Variants in HIVEP1 observed in about 807,000 individuals in gnomAD.
HIVEP1 encodes the protein HIVEP zinc finger 1.
In HIVEP1, 36 loss-of-function variants were observed where a neutral mutation model predicts 180.0. The observed-to-expected ratio is 0.20, with a 90% CI of 0.15 to 0.26. HIVEP1 has a LOEUF of 0.26. Ranked by LOEUF, HIVEP1 falls within the 10% of genes least tolerant of loss-of-function variation. HIVEP1 has a pLI of 1.00. For synonymous variants in HIVEP1, 1,239 were observed against 1,239.0 expected (o/e 1.00, Z 0.00); for missense variants, 3,143 against 3,268.7 (o/e 0.96, Z 0.94).
chr6:12,106,521 G>A (rs1451489529), intron 3 of HIVEP1, among the ~76,000 whole-genome samples: 1 of 151,890 alleles, frequency 6.6e-6, no homozygotes, highest in Non-Finnish European at 1.5e-5. Context: ...ATTTTCCATT[G>A]TATTTTCTAA....
chr6:12,206,973 C>A, the HIVEP1 span, among the ~76,000 whole-genome samples: 2 of 152,026 alleles, frequency 1.3e-5, no homozygotes, highest in Non-Finnish European at 2.9e-5. Flanking sequence ...ATTAACCTGT[C>A]AACACTGTCT....
At chr6:12,017,186 G>A (rs1767833515) in intron 2 of HIVEP1, among the ~76,000 whole-genome samples, 1 of 152,068 alleles carries the variant, frequency 6.6e-6, no homozygotes, top group Admixed American at 6.5e-5. Flanking sequence ...TTTCCTTTCT[G>A]TATCAAATAA....
downstream of HIVEP1, among the ~76,000 whole-genome samples, chr6:12,167,488 C>A (rs563276041): frequency 4.5e-5 from 6 of 133,984 alleles, no homozygotes; most frequent in African/African-American, 1.6e-4. Context: ...ACTTAAAATT[C>A]TAAATTTCCT....
chr6:12,079,357 T>C (rs1331512005), intron 2 of HIVEP1, among the ~76,000 whole-genome samples: 1 of 152,186 alleles, frequency 6.6e-6, no homozygotes, highest in East Asian at 1.9e-4. Context: ...CTATTTTTGG[T>C]TTAATACCTA....
chr6:12,129,988 A>G (rs1758329959), intron 5 of HIVEP1, 96 bp downstream of exon 5: 2 of 781,012 alleles, frequency 2.6e-6, no homozygotes, highest in African/African-American at 1.7e-5. Context: ...CCAATTTAGT[A>G]TCGATGTTGC....
intron 1 of HIVEP1, chr6:12,012,870 G>C (rs1184538092): frequency 6.5e-6 from 1 of 153,220 alleles, no homozygotes; most frequent in Non-Finnish European, 1.5e-5. Flanking sequence ...AAGAGACCAG[G>C]CCTCGGCATC....
At chr6:12,015,047 C>T (rs1270082380) in intron 1 of HIVEP1, among the ~76,000 whole-genome samples, 1 of 152,212 alleles carries the variant, frequency 6.6e-6, no homozygotes, top group East Asian at 1.9e-4. Context: ...TCACACGTTC[C>T]TGGGAAACAC....
chr6:12,112,666 G>A (rs1261647623), intron 3 of HIVEP1, among the ~76,000 whole-genome samples: 3 of 152,124 alleles, frequency 2.0e-5, no homozygotes, highest in Non-Finnish European at 4.4e-5. Flanking sequence ...TAGGCTGGGG[G>A]AGTCCCTGCC....
intron 2 of HIVEP1, among the ~76,000 whole-genome samples, chr6:12,074,907 G>A (rs1336750991): frequency 1.3e-5 from 2 of 152,182 alleles, no homozygotes; most frequent in East Asian, 1.9e-4. Context: ...AAATAACCTG[G>A]AAACTAATGT....
At chr6:12,091,364 A>G (rs1393784693) in intron 3 of HIVEP1, among the ~76,000 whole-genome samples, 1 of 152,070 alleles carries the variant, frequency 6.6e-6, no homozygotes, top group Non-Finnish European at 1.5e-5. Flanking sequence ...ATTATTTTTA[A>G]ACACTGCTTG....
At chr6:12,137,286 T>C (rs900412151) in intron 7 of HIVEP1, among the ~76,000 whole-genome samples, 4 of 152,222 alleles carry the variant, frequency 2.6e-5, no homozygotes, top group South Asian at 2.1e-4. Flanking sequence ...ATGAGTCTTA[T>C]AAAAATTAAT....
chr6:12,108,372 C>T lies in HIVEP1; in HGVS notation c.95-11518C>T, dbSNP rs558451029. Reference sequence around the variant, plus strand: ...ACTGCAGGTGGAGCTGCCTGCCAGTCCCGTGCACTGCGCCCGCACTCTTCA... The same window carrying T: ...ACTGCAGGTGGAGCTGCCTGCCAGTTCCGTGCACTGCGCCCGCACTCTTCA... On this transcript the variant is annotated intron_variant, in intron 3 of 8. Transcript: ENST00000379388. Among the ~76,000 whole-genome samples, 14 of 152,364 alleles carry T rather than the reference C, an allele frequency of 9.2e-5. No homozygotes were observed. The East Asian group carries it at 1.7e-3, about 19-fold the overall frequency.
At chr6:12,061,402 T>C (rs1407531092) in intron 2 of HIVEP1, among the ~76,000 whole-genome samples, 2 of 152,194 alleles carry the variant, frequency 1.3e-5, no homozygotes, top group Non-Finnish European at 2.9e-5. Context: ...AAATCTAATA[T>C]GGTAGGTTAA....
At chr6:12,049,291 G>A (rs112354679) in intron 2 of HIVEP1, among the ~76,000 whole-genome samples, 1,686 of 152,260 alleles carry the variant, frequency 0.011, 34 homozygotes, top group African/African-American at 0.038. Flanking sequence ...AGGCCCCCTC[G>A]TGAGCAGCCT....
the HIVEP1 span, among the ~76,000 whole-genome samples, chr6:12,207,758 A>AATAATAATT: frequency 1.0e-3 from 156 of 149,178 alleles, 1 homozygote; most frequent in African/African-American, 3.7e-3. Flanking sequence ...TAATAATAAT[A>AATAATAATT]ATAATAATTA....
At chr6:12,184,468 A>G in the HIVEP1 span, among the ~76,000 whole-genome samples, 13 of 152,342 alleles carry the variant, frequency 8.5e-5, no homozygotes, top group Non-Finnish European at 1.6e-4. Context: ...CAAAAATGGT[A>G]TATTTTGATC....
At chr6:12,025,826 G>A (rs1768545195) in intron 2 of HIVEP1, among the ~76,000 whole-genome samples, 1 of 152,184 alleles carries the variant, frequency 6.6e-6, no homozygotes, top group African/African-American at 2.4e-5. Flanking sequence ...GATCACCTGA[G>A]GTCAGGAGTT....
chr6:12,107,708 G>A (rs565017626), intron 3 of HIVEP1, among the ~76,000 whole-genome samples: 17 of 152,334 alleles, frequency 1.1e-4, no homozygotes, highest in African/African-American at 9.6e-5. Flanking sequence ...AGAGTGAGCA[G>A]CAGCAGGATT....
At chr6:12,015,954 T>A (rs1335188731) in intron 2 of HIVEP1, among the ~76,000 whole-genome samples, 1 of 152,240 alleles carries the variant, frequency 6.6e-6, no homozygotes, top group African/African-American at 2.4e-5. Context: ...ATAGGAACCA[T>A]ATTTGGGTCA....
Sources: gnomAD v4.1 joint callset for allele counts (sites outside exome capture counted in the v4.1 genomes callset) on GRCh38, gnomAD v4.1.1 for gene constraint, MANE v1.5 for transcripts, NCBI Gene and HGNC (gene_info 2026-07-23, HGNC 2026-07-21) for gene names.